The following DCDC1 variants were observed in gnomAD, a reference collection of about 807,000 sequenced individuals.
The protein encoded by DCDC1 is doublecortin domain containing 1, also known as doublecortin domain-containing protein 1.
DCDC1 carries 200 observed loss-of-function variants against 178.3 expected under a neutral mutation model. The ratio of observed to expected loss-of-function variants is 1.12; its 90% CI spans 1.00 to 1.26. The LOEUF (loss-of-function observed/expected upper bound fraction) is 1.26. Among genes scored for constraint, DCDC1 ranks in the 50% most tolerant of loss-of-function variants. DCDC1 has a pLI of 0.00. For missense variants in DCDC1, 1,983 were observed against 1,749.2 expected, an observed-to-expected ratio of 1.13 and a Z score of -2.38; for synonymous variants, 690 against 604.8, an observed-to-expected ratio of 1.14 and a Z score of -2.07.
intron 20 of DCDC1, among the ~76,000 whole-genome samples, chr11:31,005,941 C>T (rs1456868877): frequency 1.5e-5 from 2 of 129,780 alleles, no homozygotes; most frequent in Non-Finnish European, 3.2e-5. Flanking sequence ...AGGCATATAG[C>T]TCTTATTCCT....
chr11:31,088,446 C>T (rs1225117725), intron 17 of DCDC1, among the ~76,000 whole-genome samples: 2 of 151,680 alleles, frequency 1.3e-5, no homozygotes, highest in East Asian at 1.9e-4. Context: ...ACTTTTTTGG[C>T]TTGTTAGCTA....
intron 9 of DCDC1, among the ~76,000 whole-genome samples, chr11:31,189,118 T>C (rs1969846297): frequency 6.6e-6 from 1 of 152,188 alleles, no homozygotes; most frequent in Admixed American, 6.5e-5. Flanking sequence ...TCGTTGTTTA[T>C]AAATTACTCA....
At position 30,916,763 on chromosome 11, in the gene DCDC1, A is replaced by C. The variant is rs944148976; in HGVS notation, c.3452+107T>G. 4 of 1,249,440 alleles carry C rather than the reference A, an allele frequency of 3.2e-6. No homozygotes were observed. The African/African-American group carries it at 4.5e-5, about 14-fold the overall frequency. The allele number at this position is 1,249,440 out of a possible 1,614,324, so 77.4% of individuals were successfully genotyped here. A position where few individuals can be genotyped will look rare whatever the true frequency, so the allele number is the denominator to read the frequency against. On this transcript the variant is annotated intron_variant, in intron 26 of 38. Transcript: ENST00000684477. ...AAGACAAAAATGTGCATGTTGATAG[A>C]AACAGCAGCTAACAGCAGTGAAAAC...
chr11:30,979,098 T>G (rs1311174629), intron 20 of DCDC1, among the ~76,000 whole-genome samples: 1 of 152,074 alleles, frequency 6.6e-6, no homozygotes, highest in Admixed American at 6.6e-5. Flanking sequence ...CTCCTATTAA[T>G]ATAAGAAATT....
intron 3 of DCDC1, among the ~76,000 whole-genome samples, chr11:31,309,366 G>C (rs1948638896): frequency 6.6e-6 from 1 of 152,186 alleles, no homozygotes; most frequent in Admixed American, 6.5e-5. Context: ...CGCCTTGAAA[G>C]GGTCTTTGGA....
intron 6 of DCDC1, 134 bp from the exon 7 acceptor site, chr11:31,290,986 G>T: frequency 1.3e-6 from 1 of 760,910 alleles, no homozygotes; most frequent in Non-Finnish European, 2.1e-6. Context: ...TTTCTGAAAT[G>T]CTACCACCAG....
intron 12 of DCDC1, among the ~76,000 whole-genome samples, chr11:31,107,993 T>G (rs1177760734): frequency 6.6e-6 from 1 of 152,156 alleles, no homozygotes; most frequent in Non-Finnish European, 1.5e-5. Context: ...TAATCCCCAT[T>G]GAGGGTATAT....
At chr11:31,090,818 A>G (rs562125781) in intron 17 of DCDC1, among the ~76,000 whole-genome samples, 2 of 152,312 alleles carry the variant, frequency 1.3e-5, no homozygotes, top group East Asian at 3.9e-4. Context: ...CTAAGTGAAA[A>G]CAAACATCAA....
intron 17 of DCDC1, 29 bp downstream of exon 17, chr11:31,091,364 T>C (rs1332860800): frequency 1.4e-6 from 1 of 705,312 alleles, no homozygotes; most frequent in East Asian, 2.7e-5. Context: ...GCATTTATTA[T>C]CTTGAGCTAA....
At chr11:31,136,003 G>A (rs902673575) in intron 10 of DCDC1, among the ~76,000 whole-genome samples, 2 of 151,922 alleles carry the variant, frequency 1.3e-5, no homozygotes, top group African/African-American at 2.4e-5. Context: ...TAATTACAAT[G>A]TTTAAAAGGA....
At chr11:31,134,196 A>G (rs1462959199) in intron 10 of DCDC1, among the ~76,000 whole-genome samples, 2 of 152,078 alleles carry the variant, frequency 1.3e-5, no homozygotes, top group East Asian at 3.9e-4. Flanking sequence ...TGTCTTCATA[A>G]CTCTTCTGGC....
chr11:31,183,147 A>G (rs1969040642), intron 9 of DCDC1, among the ~76,000 whole-genome samples: 1 of 152,200 alleles, frequency 6.6e-6, no homozygotes. Flanking sequence ...CCACACAATA[A>G]TAGTGAGAGA....
intron 6 of DCDC1, among the ~76,000 whole-genome samples, chr11:31,299,115 G>A (rs1159968804): frequency 6.6e-6 from 1 of 152,096 alleles, no homozygotes; most frequent in Non-Finnish European, 1.5e-5. Context: ...ATTAAATCCA[G>A]GTCACATTCC....
chr11:31,344,767 G>C (rs1175610869), intron 1 of DCDC1, among the ~76,000 whole-genome samples: 1 of 152,054 alleles, frequency 6.6e-6, no homozygotes, highest in Non-Finnish European at 1.5e-5. Flanking sequence ...CTATATATAG[G>C]CACTTTAAAA....
At chr11:30,929,399 C>A (rs566484549) in intron 22 of DCDC1, among the ~76,000 whole-genome samples, 1 of 152,026 alleles carries the variant, frequency 6.6e-6, no homozygotes, top group Non-Finnish European at 1.5e-5. Context: ...ACAACTAACT[C>A]GAGAGGAGAG....
At chr11:31,278,198 G>T (rs1355767596) in intron 7 of DCDC1, among the ~76,000 whole-genome samples, 1 of 152,032 alleles carries the variant, frequency 6.6e-6, no homozygotes, top group Admixed American at 6.6e-5. Flanking sequence ...GTATGTGTGG[G>T]TCTATTTCTG....
intron 7 of DCDC1, among the ~76,000 whole-genome samples, chr11:31,286,561 A>G (rs1038194225): frequency 6.6e-6 from 1 of 151,992 alleles, no homozygotes; most frequent in Non-Finnish European, 1.5e-5. Flanking sequence ...TTGACACAAC[A>G]TATTTTCCAA....
intron 9 of DCDC1, among the ~76,000 whole-genome samples, chr11:31,217,459 T>C (rs1973732412): frequency 6.6e-6 from 1 of 152,150 alleles, no homozygotes; most frequent in Non-Finnish European, 1.5e-5. Context: ...GTCAAGTATA[T>C]ATGTATACAA....
intron 1 of DCDC1, among the ~76,000 whole-genome samples, chr11:31,369,307 A>C (rs1952145245): frequency 6.6e-6 from 1 of 152,188 alleles, no homozygotes; most frequent in Non-Finnish European, 1.5e-5. Flanking sequence ...AATATTAATA[A>C]TTACGTCGAA....
Sources: allele counts gnomAD v4.1 joint callset (sites outside exome capture counted in the v4.1 genomes callset), GRCh38; gene constraint gnomAD v4.1.1; transcripts MANE v1.5; gene names NCBI Gene and HGNC (gene_info 2026-07-23, HGNC 2026-07-21).